The following AMMECR1 variants were observed in gnomAD, a reference collection of about 807,000 sequenced individuals.
AMMECR1 encodes nuclear protein AMMECR1.
A neutral mutation model predicts 22.5 loss-of-function variants in AMMECR1; 3 were observed. The observed-to-expected ratio is 0.13, with a 90% CI of 0.06 to 0.35. The LOEUF (loss-of-function observed/expected upper bound fraction) is 0.35. Among genes scored for constraint, AMMECR1 ranks in the 10% least tolerant of loss-of-function variants. The pLI is 1.00. For missense variants in AMMECR1, 235 were observed against 278.7 expected (o/e 0.84, Z 1.12); for synonymous variants, 130 against 116.7 (o/e 1.11, Z -0.74).
At chrX:110,236,843 T>C (rs981321211) in intron 2 of AMMECR1, among the ~76,000 whole-genome samples, 2 of 112,368 alleles carry the variant, frequency 1.8e-5, no homozygotes, top group African/African-American at 6.5e-5. Flanking sequence ...ATGCTGTTCA[T>C]TTAGAAGGTG....
chrX:110,311,456 T>C (rs974021571), intron 1 of AMMECR1, among the ~76,000 whole-genome samples: 2 of 112,125 alleles, frequency 1.8e-5, no homozygotes, highest in Non-Finnish European at 1.9e-5. Context: ...ATTCCTTCTA[T>C]TTTTCTGGTT....
At chrX:110,417,095 C>T (rs751049565) in intron 2 of AMMECR1, among the ~76,000 whole-genome samples, 3 of 112,070 alleles carry the variant, frequency 2.7e-5, no homozygotes, top group African/African-American at 9.7e-5. Context: ...TGTTTGGGGT[C>T]ATCAGGAACA....
intron 2 of AMMECR1, among the ~76,000 whole-genome samples, chrX:110,247,274 C>A (rs1393718574): frequency 8.9e-6 from 1 of 112,235 alleles, no homozygotes; most frequent in Admixed American, 9.4e-5. Context: ...GTAATCCCAG[C>A]ACTGCGCATG....
chrX:110,429,927 T>C (rs1452782130), intron 1 of AMMECR1, among the ~76,000 whole-genome samples: 1 of 112,821 alleles, frequency 8.9e-6, no homozygotes, highest in East Asian at 2.7e-4. Flanking sequence ...TCTGTTTTCA[T>C]TGTTTCTGGC....
intron 1 of AMMECR1, among the ~76,000 whole-genome samples, chrX:110,278,005 G>A (rs772729671): frequency 9.0e-6 from 1 of 111,583 alleles, no homozygotes; most frequent in African/African-American, 3.3e-5. Context: ...TTCTGTTATC[G>A]CTATTTTTAA....
intron 2 of AMMECR1, among the ~76,000 whole-genome samples, chrX:110,257,181 C>T (rs1261880770): frequency 8.9e-6 from 1 of 112,224 alleles, no homozygotes; most frequent in Non-Finnish European, 1.9e-5. Context: ...TGTGTTCTAA[C>T]TTAGCTTTAC....
intron 2 of AMMECR1, among the ~76,000 whole-genome samples, chrX:110,224,377 T>C (rs1191883976): frequency 9.0e-6 from 1 of 111,662 alleles, no homozygotes; most frequent in African/African-American, 3.3e-5. Context: ...TATGGATATG[T>C]ATAAAATACG....
At chrX:110,412,973 G>GA (rs1219241838) in intron 2 of AMMECR1, among the ~76,000 whole-genome samples, 3 of 111,344 alleles carry the variant, frequency 2.7e-5, no homozygotes, top group Middle Eastern at 4.6e-3. Flanking sequence ...GATGTAAAGG[G>GA]AAAAAAAAGC....
rs765794268 is a variant in AMMECR1, at chrX:110,426,657, C to T, written c.-148+1G>A. On this transcript the variant is annotated splice_donor_variant, in intron 2 of 7. Transcript: ENST00000372057. LOFTEE classifies it low-confidence loss of function (5UTR_SPLICE). Reference sequence around the variant, plus strand: ...ATGATGAAAGAATAAAGTAAACATACCTAGAGTAATTCCAGAGGAGCAGGC... The same window carrying T: ...ATGATGAAAGAATAAAGTAAACATATCTAGAGTAATTCCAGAGGAGCAGGC... The T allele has an allele frequency of 8.9e-6, 1 of 112,011 alleles. No individual in the cohort carries two copies. Among genetic ancestry groups the T allele is most frequent in the Non-Finnish European group, 1.9e-5 (1 of 53,257 alleles). 9.2% of individuals were successfully genotyped at this position (112,011 alleles called of 1,213,427 possible). A position where few individuals can be genotyped will look rare whatever the true frequency, so the allele number is the denominator to read the frequency against.
At chrX:110,371,521 C>T (rs1180977101) in intron 2 of AMMECR1, among the ~76,000 whole-genome samples, 1 of 111,353 alleles carries the variant, frequency 9.0e-6, no homozygotes, top group Admixed American at 9.5e-5. Context: ...TGACCATCCC[C>T]AACTCCCCCC....
At chrX:110,403,693 C>T (rs140663280) in intron 2 of AMMECR1, among the ~76,000 whole-genome samples, 3,176 of 111,948 alleles carry the variant, frequency 0.028, 59 homozygotes, top group Non-Finnish European at 0.047. Context: ...AGCCTTTGTA[C>T]GTTTATGACA....
At chrX:110,347,733 C>T (rs940681515) in intron 2 of AMMECR1, among the ~76,000 whole-genome samples, 1 of 112,394 alleles carries the variant, frequency 8.9e-6, no homozygotes, top group Non-Finnish European at 1.9e-5. Context: ...CTGCTTGTAA[C>T]AAAAATTCTG....
intron 2 of AMMECR1, among the ~76,000 whole-genome samples, chrX:110,406,687 T>G (rs994397937): frequency 1.8e-5 from 2 of 112,142 alleles, no homozygotes; most frequent in African/African-American, 6.5e-5. Context: ...TCCAGTGTCT[T>G]CCACGATATT....
chrX:110,405,217 TC>T (rs1206403532), intron 2 of AMMECR1, among the ~76,000 whole-genome samples: 1 of 110,413 alleles, frequency 9.1e-6, no homozygotes, highest in African/African-American at 3.3e-5. Context: ...AATTTTTCTA[TC>T]CTTTCTTGTG....
At chrX:110,330,060 A>G (rs753971786) in intron 2 of AMMECR1, among the ~76,000 whole-genome samples, 2 of 111,694 alleles carry the variant, frequency 1.8e-5, no homozygotes, top group Non-Finnish European at 3.8e-5. Flanking sequence ...TAAAAAAATT[A>G]TGATTTTCAG....
At chrX:110,414,775 T>G (rs2068665610) in intron 2 of AMMECR1, among the ~76,000 whole-genome samples, 1 of 112,591 alleles carries the variant, frequency 8.9e-6, no homozygotes, top group African/African-American at 3.2e-5. Context: ...ACAGTGCTAC[T>G]ACTCTGCTTA....
intron 2 of AMMECR1, among the ~76,000 whole-genome samples, chrX:110,418,230 C>T (rs2068691706): frequency 8.9e-6 from 1 of 112,363 alleles, no homozygotes; most frequent in African/African-American, 3.2e-5. Flanking sequence ...TGGTCTAACA[C>T]ATTTTTGTCA....
At chrX:110,242,580 C>A (rs1337048130) in intron 2 of AMMECR1, among the ~76,000 whole-genome samples, 1 of 111,750 alleles carries the variant, frequency 8.9e-6, no homozygotes, top group Non-Finnish European at 1.9e-5. Context: ...AACAAGAGGG[C>A]CCACAAGTCC....
chrX:110,303,941 C>T (rs1316426240), intron 1 of AMMECR1, among the ~76,000 whole-genome samples: 1 of 112,239 alleles, frequency 8.9e-6, no homozygotes, highest in Non-Finnish European at 1.9e-5. Flanking sequence ...TAGAATTTTA[C>T]AGTGATCACT....
Sources: allele counts gnomAD v4.1 joint callset (sites outside exome capture counted in the v4.1 genomes callset), GRCh38; gene constraint gnomAD v4.1.1; transcripts MANE v1.5; gene names NCBI Gene and HGNC (gene_info 2026-07-23, HGNC 2026-07-21).